Variants in PRKN observed in about 807,000 individuals in gnomAD.
PRKN encodes E3 ubiquitin-protein ligase parkin.
A neutral mutation model predicts 59.5 loss-of-function variants in PRKN; 56 were observed. The ratio of observed to expected loss-of-function variants is 0.94; its 90% CI spans 0.76 to 1.18. The LOEUF is 1.18. PRKN is among the 50% of genes most tolerant of loss of function. The pLI is 0.00. For synonymous variants in PRKN, 250 were observed against 222.1 expected (o/e 1.13, Z -1.12); for missense variants, 657 against 596.4 (o/e 1.10, Z -1.06).
chr6:162,696,680 A>C (rs550035066), intron 1 of PRKN, among the ~76,000 whole-genome samples: 1 of 147,968 alleles, frequency 6.8e-6, no homozygotes, highest in African/African-American at 2.5e-5. Flanking sequence ...AGCAGCAGGG[A>C]CTACAGGTGT....
chr6:161,861,295 AG>A (rs1793887012), intron 6 of PRKN, among the ~76,000 whole-genome samples: 1 of 152,204 alleles, frequency 6.6e-6, no homozygotes, highest in African/African-American at 2.4e-5. Context: ...GAAACTGGAA[AG>A]CCATCATTCT....
At chr6:162,278,435 A>C (rs1314386142) in intron 2 of PRKN, among the ~76,000 whole-genome samples, 2 of 152,136 alleles carry the variant, frequency 1.3e-5, no homozygotes. Flanking sequence ...GTAAGCTATA[A>C]ATGTGAAGTG....
chr6:162,498,514 C>T (rs1331418004), intron 1 of PRKN, among the ~76,000 whole-genome samples: 3 of 129,038 alleles, frequency 2.3e-5, no homozygotes, highest in South Asian at 2.7e-4. Flanking sequence ...GGTGCGATCT[C>T]GGTTGACTGC....
chr6:161,943,898 ATG>A lies in PRKN; in HGVS notation c.734+29402_734+29403del, dbSNP rs1180044980. Among the ~76,000 whole-genome samples the A allele has an allele frequency of 1.4e-4, 18 of 128,492 alleles. 1 individual carries two copies. Among genetic ancestry groups the A allele is most frequent in the African/African-American group, 3.2e-4 (10 of 31,256 alleles). 84.3% of individuals were successfully genotyped at this position (128,492 alleles called of 152,430 possible). A position where few individuals can be genotyped will look rare whatever the true frequency, so the allele number is the denominator to read the frequency against. The stretch of plus-strand genomic sequence containing the variant: ...AGCAGCCTGAGGGATTGGCCTGAGG[ATG>A]CAGCCTGAGGGATCAGCCTTGAGGA... On this transcript the variant is annotated intron_variant, in intron 6 of 11. Transcript: ENST00000366898.
At chr6:162,586,347 AT>A (rs1781057580) in intron 1 of PRKN, among the ~76,000 whole-genome samples, 1 of 152,226 alleles carries the variant, frequency 6.6e-6, no homozygotes, top group South Asian at 2.1e-4. Flanking sequence ...GTTAGCATTA[AT>A]TCGAAACTAA....
intron 7 of PRKN, among the ~76,000 whole-genome samples, chr6:161,580,418 A>T (rs547419004): frequency 1.4e-4 from 21 of 152,268 alleles, no homozygotes; most frequent in African/African-American, 4.1e-4. Flanking sequence ...AGACAGTTAA[A>T]TCCAGCCCTT....
chr6:162,331,603 A>G (rs1372854663), intron 2 of PRKN, among the ~76,000 whole-genome samples: 1 of 152,208 alleles, frequency 6.6e-6, no homozygotes, highest in Non-Finnish European at 1.5e-5. Flanking sequence ...GACACCACCT[A>G]AATTGGTTTT....
rs57166297 is a variant in PRKN at position 161,970,399 on chromosome 6, C to CTATATATATATA, written c.734+2891_734+2902dup. On this transcript the variant is annotated intron_variant, in intron 6 of 11. Transcript: ENST00000366898. ...TAAATGGAAAAAGCATGATACGAAACTATATATATATATATATATATACAT... is the reference window on the plus strand; with the variant it reads ...TAAATGGAAAAAGCATGATACGAAACTATATATATATATATATATATATATATATATATACAT... Among the ~76,000 whole-genome samples, 5 of 146,346 alleles carry CTATATATATATA rather than the reference C, an allele frequency of 3.4e-5. No individual in the cohort carries two copies. In the South Asian group the frequency reaches 6.5e-4, roughly 19 times the overall value.
chr6:162,380,503 A>ATG (rs1368726606), intron 2 of PRKN, among the ~76,000 whole-genome samples: 7 of 42,518 alleles, frequency 1.6e-4, no homozygotes, highest in African/African-American at 2.7e-4. Context: ...ACACATATAT[A>ATG]TGTGTGTATA....
intron 7 of PRKN, among the ~76,000 whole-genome samples, chr6:161,632,999 T>C (rs1783374240): frequency 1.3e-5 from 2 of 152,190 alleles, no homozygotes; most frequent in South Asian, 4.1e-4. Context: ...TTGCAGATCA[T>C]TGTCTCTCTC....
chr6:162,112,327 T>C (rs56910994), intron 4 of PRKN, among the ~76,000 whole-genome samples: 20,299 of 152,192 alleles, frequency 0.13, 1,548 homozygotes, highest in Middle Eastern at 0.21. Flanking sequence ...AAACTGATAA[T>C]AATTTTATAG....
chr6:162,727,599 C>T, intron 1 of PRKN, 63 bp downstream of exon 1: 3 of 1,522,492 alleles, frequency 2.0e-6, no homozygotes, highest in Non-Finnish European at 1.8e-6. Flanking sequence ...CGAGGCGGGG[C>T]GTGGCGCCAT....
intron 2 of PRKN, among the ~76,000 whole-genome samples, chr6:162,387,126 T>A (rs1786870286): frequency 6.6e-6 from 1 of 150,446 alleles, no homozygotes; most frequent in Non-Finnish European, 1.5e-5. Context: ...AATATGCTAA[T>A]AGAATTTTTG....
intron 9 of PRKN, among the ~76,000 whole-genome samples, chr6:161,469,766 G>GACCT (rs1790687586): frequency 6.6e-6 from 1 of 152,098 alleles, no homozygotes; most frequent in African/African-American, 2.4e-5. Flanking sequence ...TAGGACTTCC[G>GACCT]ACCTACAGAG....
intron 9 of PRKN, among the ~76,000 whole-genome samples, chr6:161,500,619 C>A (rs1034685727): frequency 1.6e-4 from 24 of 152,146 alleles, no homozygotes; most frequent in African/African-American, 5.8e-4. Flanking sequence ...TCTATGTCTT[C>A]CCATGGCTTG....
intron 1 of PRKN, among the ~76,000 whole-genome samples, chr6:162,533,059 T>C (rs1473402593): frequency 6.6e-6 from 1 of 152,188 alleles, no homozygotes; most frequent in African/African-American, 2.4e-5. Context: ...TTTTATAATG[T>C]TGGTAAAATG....
chr6:162,517,717 T>C (rs891856305), intron 1 of PRKN, among the ~76,000 whole-genome samples: 2 of 152,168 alleles, frequency 1.3e-5, no homozygotes, highest in African/African-American at 4.8e-5. Context: ...TTATGTGATT[T>C]TGGCATTGAA....
intron 1 of PRKN, among the ~76,000 whole-genome samples, chr6:162,515,015 T>C (rs1177676849): frequency 6.6e-6 from 1 of 151,982 alleles, no homozygotes; most frequent in Non-Finnish European, 1.5e-5. Context: ...CTAGAGACTC[T>C]CCTATATTTA....
intron 6 of PRKN, among the ~76,000 whole-genome samples, chr6:161,893,225 A>G (rs542039050): frequency 1.8e-3 from 269 of 152,298 alleles, no homozygotes; most frequent in Admixed American, 3.1e-3. Flanking sequence ...GGCTTTTGGT[A>G]TGCTCTTTCA....
Sources: allele counts gnomAD v4.1 joint callset (sites outside exome capture counted in the v4.1 genomes callset), GRCh38; gene constraint gnomAD v4.1.1; transcripts MANE v1.5; gene names NCBI Gene and HGNC (gene_info 2026-07-23, HGNC 2026-07-21).